The following BRAP variants were observed in gnomAD, a reference collection of about 807,000 sequenced individuals.
The protein encoded by BRAP is BRCA1-associated protein.
Under a neutral mutation model 73.4 loss-of-function variants are expected in BRAP, and 42 were observed. The ratio of observed to expected loss-of-function variants is 0.57; its 90% CI spans 0.45 to 0.74. The LOEUF is 0.74. BRAP is among the 30% of genes least tolerant of loss of function. The probability of loss-of-function intolerance (pLI) is 0.00; values close to 1 mark genes in which losing one functional copy is unlikely to be tolerated. For missense variants in BRAP, 593 were observed against 751.4 expected (o/e 0.79, Z 2.46); for synonymous variants, 255 against 267.4 (o/e 0.95, Z 0.45).
Position 111,665,536 on chromosome 12 carries a change from A to G in BRAP, c.896+103T>C, listed in dbSNP as rs1886905317. 6.8e-7 allele frequency: 1 copy of G among 1,473,116 alleles called. No individual in the cohort carries two copies. Among genetic ancestry groups the G allele is most frequent in the Non-Finnish European group, 9.2e-7 (1 of 1,088,692 alleles). The allele number at this position is 1,473,116 out of a possible 1,614,324, so 91.3% of individuals were successfully genotyped here. A position where few individuals can be genotyped will look rare whatever the true frequency, so the allele number is the denominator to read the frequency against. On this transcript the variant is annotated intron_variant, in intron 6 of 11. Coordinates refer to ENST00000419234, the MANE Select transcript of BRAP (RefSeq NM_006768.5). The surrounding 1 kb of genome is among the most constrained non-coding windows in gnomAD (Gnocchi z 4.3). Reference sequence around the variant, plus strand: ...GAAGGAGAAAAAGGACCTCTTGAATAAAGTCAAATACTTGGAATGGTTCAT... The same window carrying G: ...GAAGGAGAAAAAGGACCTCTTGAATGAAGTCAAATACTTGGAATGGTTCAT...
chr12:111,683,193 C>T lies in BRAP; in HGVS notation c.197G>A (p.Arg66His), dbSNP rs181224221. ...AATGATCACATCTGTCATTTCTCGA[C>T]GGCCGAGATGCTGATGGATAATCGC... ...KVAIIHQHLG[R>H]REMTDVIIET... is the part of the protein sequence containing the mutation. The change falls in exon 2 of 12, where the codon CGT (arginine) becomes CAT (histidine). Residue 66 changes from arginine to histidine, a missense_variant. This residue lies in a region of BRAP where 304 missense variants were observed against 337.7 expected (regional missense o/e 0.90). Transcript: ENST00000419234. 18 of 1,614,146 alleles carry T rather than the reference C, an allele frequency of 1.1e-5. No individual in the cohort carries two copies. Among genetic ancestry groups the T allele is most frequent in the South Asian group, 4.4e-5 (4 of 91,072 alleles).
chr12:111,669,826 C>G lies in BRAP; in HGVS notation c.747+2835G>C, dbSNP rs1373202381. 6 of 590,014 alleles carry G rather than the reference C, an allele frequency of 1.0e-5. No homozygotes were observed. The East Asian group carries it at 2.3e-4, about 23-fold the overall frequency. 36.5% of individuals were successfully genotyped at this position (590,014 alleles called of 1,614,324 possible). ...GTTCCTTTTAAGTTTACACCCACCC[C>G]ACACCCCAATTTCAAAACATCGTTT... On this transcript the variant is annotated intron_variant, in intron 5 of 11. Coordinates refer to ENST00000419234, the MANE Select transcript of BRAP (RefSeq NM_006768.5).
chr12:111,685,631 C>G, intron 1 of BRAP, 80 bp downstream of exon 1: 1 of 1,461,890 alleles, frequency 6.8e-7, no homozygotes, highest in Non-Finnish European at 9.0e-7. Context: ...GCGGGCTTTT[C>G]CCGGGCCAGT....
At chr12:111,682,380 C>A (rs1241480679) in intron 2 of BRAP, among the ~76,000 whole-genome samples, 2 of 151,508 alleles carry the variant, frequency 1.3e-5, no homozygotes, top group East Asian at 3.9e-4. Flanking sequence ...CACCTGTAGT[C>A]CCAGCTACTT....
intron 5 of BRAP, among the ~76,000 whole-genome samples, chr12:111,671,753 C>T (rs756896761): frequency 2.4e-4 from 36 of 147,526 alleles, no homozygotes; most frequent in Non-Finnish European, 4.3e-4. Context: ...GGCAAGATCA[C>T]GGCTCACTAT....
intron 9 of BRAP, 29 bp from the exon 10 acceptor site, chr12:111,655,684 T>G (rs754156028): frequency 2.6e-6 from 4 of 1,520,122 alleles, no homozygotes; most frequent in Middle Eastern, 1.7e-4. Context: ...AAGACCAAAA[T>G]GTAAGTCACT....
At chr12:111,648,126 C>T (rs866912445) in intron 11 of BRAP, among the ~76,000 whole-genome samples, 3 of 150,902 alleles carry the variant, frequency 2.0e-5, no homozygotes, top group Admixed American at 6.6e-5. Context: ...GGTGAAACCC[C>T]GTCTCTACTA....
At chr12:111,658,633 C>T in intron 9 of BRAP, 103 bp downstream of exon 9, 1 of 999,500 alleles carries the variant, frequency 1.0e-6, no homozygotes, top group Non-Finnish European at 1.4e-6. Flanking sequence ...CATGACCAAA[C>T]TTTAAAAAAA....
chr12:111,667,777 CA>C (rs1163305168), intron 5 of BRAP, among the ~76,000 whole-genome samples: 1 of 148,758 alleles, frequency 6.7e-6, no homozygotes, highest in Non-Finnish European at 1.5e-5. Flanking sequence ...ACAAATCTCA[CA>C]AAGTATATGT....
chr12:111,648,705 A>G (rs1201466814), intron 11 of BRAP, among the ~76,000 whole-genome samples: 1 of 151,966 alleles, frequency 6.6e-6, no homozygotes, highest in Non-Finnish European at 1.5e-5. Context: ...AAGCAGGTGG[A>G]TCATGAGGTC....
At position 111,642,996 on chromosome 12, in the gene BRAP, GTTGT is replaced by G. The variant is rs1885957764; in HGVS notation, c.*1199_*1202del. On this transcript the variant is annotated 3_prime_UTR_variant, in exon 12 of 12. Transcript: ENST00000419234. ...AATTATAAAGCAAAAACTAAAACCTGTTGTTTAACAATACATCTTACTAACCTAT... is the reference window on the plus strand; with the variant it reads ...AATTATAAAGCAAAAACTAAAACCTGTTAACAATACATCTTACTAACCTAT... 1.3e-5 allele frequency: 2 copies of G among 152,296 alleles called. No individual in the cohort carries two copies. Among genetic ancestry groups the G allele is most frequent in the Non-Finnish European group, 2.9e-5 (2 of 68,016 alleles). 9.4% of individuals were successfully genotyped at this position (152,296 alleles called of 1,614,324 possible). A position where few individuals can be genotyped will look rare whatever the true frequency, so the allele number is the denominator to read the frequency against.
chr12:111,658,394 AGGTTCAAGCGATTCTCTGCTTCCCG>A (rs1276507382), intron 9 of BRAP, among the ~76,000 whole-genome samples: 4 of 150,656 alleles, frequency 2.7e-5, no homozygotes, highest in South Asian at 4.2e-4. Context: ...TCTGCTTCCC[AGGTTCAAGCGATTCTCTGCTTCCCG>A]GGTTCAAGCG....
Position 111,665,858 on chromosome 12 carries a change from T to G in BRAP, c.748-71A>C, listed in dbSNP as rs1886919867. 2 of 1,589,840 alleles carry G rather than the reference T, an allele frequency of 1.3e-6. No homozygotes were observed. The highest frequency in any genetic ancestry group is 1.7e-6 in the Non-Finnish European group (2 of 1,162,912). ...ATACTTTATTTTTCCTTCTTTTTTC[T>G]GAGACAGGGTCTCGCTCTCTGTCAC... On this transcript the variant is annotated intron_variant, in intron 5 of 11. Coordinates refer to ENST00000419234, the MANE Select transcript of BRAP (RefSeq NM_006768.5). This position sits in a 1 kb window ranked among gnomAD's most constrained non-coding sequence, Gnocchi z 4.3.
At chr12:111,684,361 CATAAGCT>C (rs1887717058) in intron 1 of BRAP, among the ~76,000 whole-genome samples, 1 of 152,212 alleles carries the variant, frequency 6.6e-6, no homozygotes, top group South Asian at 2.1e-4. Context: ...GAAAGGTGCT[CATAAGCT>C]ATAAAGTCAT....
At chr12:111,647,886 G>A (rs866702684) in intron 11 of BRAP, among the ~76,000 whole-genome samples, 1 of 149,786 alleles carries the variant, frequency 6.7e-6, no homozygotes, top group Non-Finnish European at 1.5e-5. Context: ...GCGAAACTCC[G>A]TCTCAAAAAA....
Position 111,685,951 on chromosome 12 carries a change from A to C in BRAP, c.-159T>G, listed in dbSNP as rs1247902408. ...CTCCTCGAACAGCCCTCGGAGCCAC[A>C]ACAACCTCCACTTCCGCCTCCCGGC... On this transcript the variant is annotated 5_prime_UTR_variant, in exon 1 of 12. Transcript: ENST00000419234. 1 of 413,298 alleles carries C rather than the reference A, an allele frequency of 2.4e-6. No homozygotes were observed. The highest frequency in any genetic ancestry group is 4.2e-6 in the Non-Finnish European group (1 of 239,856). The allele number at this position is 413,298 out of a possible 1,614,324, so 25.6% of individuals were successfully genotyped here. A position where few individuals can be genotyped will look rare whatever the true frequency, so the allele number is the denominator to read the frequency against.
Position 111,642,513 on chromosome 12 carries a change from G to A in BRAP, c.*1686C>T, listed in dbSNP as rs1885935413. On this transcript the variant is annotated 3_prime_UTR_variant, in exon 12 of 12. Coordinates refer to ENST00000419234, the MANE Select transcript of BRAP (RefSeq NM_006768.5). ...TCACAGAGAAATGAGGAGTGAGCGA[G>A]CTTTGTAAACTACTTCTAATTCTCT... The A allele has an allele frequency of 6.6e-6, 1 of 152,112 alleles. No homozygotes were observed. The highest frequency in any genetic ancestry group is 1.5e-5 in the Non-Finnish European group (1 of 68,022). 9.4% of individuals were successfully genotyped at this position (152,112 alleles called of 1,614,324 possible).
In BRAP at chr12:111,654,752, A is replaced by G. The variant is rs115635616; in HGVS notation, c.1311+814T>C. Reference sequence around the variant, plus strand: ...CACCTCAGAGGTGGGCCCCAAGCCCAGCTCTGTACTGCCTATCTGAAGGCC... The same window carrying G: ...CACCTCAGAGGTGGGCCCCAAGCCCGGCTCTGTACTGCCTATCTGAAGGCC... On this transcript the variant is annotated intron_variant, in intron 10 of 11. Coordinates refer to ENST00000419234, the MANE Select transcript of BRAP (RefSeq NM_006768.5). 7.4e-3 allele frequency among the ~76,000 whole-genome samples: 1,133 copies of G among 152,294 alleles called. 13 individuals carry two copies. Among genetic ancestry groups the G allele is most frequent in the African/African-American group, 0.026 (1,098 of 41,566 alleles).
At chr12:111,653,838 C>T (rs1886412913) in intron 10 of BRAP, among the ~76,000 whole-genome samples, 1 of 152,198 alleles carries the variant, frequency 6.6e-6, no homozygotes, top group Non-Finnish European at 1.5e-5. Context: ...ACATTTGTTA[C>T]TAGAAAACAA....
Sources: gnomAD v4.1 joint callset for allele counts (sites outside exome capture counted in the v4.1 genomes callset) on GRCh38, gnomAD v4.1.1 for gene constraint, gnomAD v4.1.1 regional missense constraint, Gnocchi (gnomAD v3.1) non-coding constraint, MANE v1.5 for transcripts, NCBI Gene and HGNC (gene_info 2026-07-23, HGNC 2026-07-21) for gene names.